The following USP54 variants were observed in gnomAD, a reference collection of about 807,000 sequenced individuals.
The protein encoded by USP54 is ubiquitin carboxyl-terminal hydrolase 54.
USP54 carries 87 observed loss-of-function variants against 170.5 expected under a neutral mutation model. The ratio of observed to expected loss-of-function variants is 0.51; its 90% CI spans 0.43 to 0.61. The LOEUF is 0.61. Among genes scored for constraint, USP54 ranks in the 20% least tolerant of loss-of-function variants. USP54 has a pLI of 0.00. For synonymous variants in USP54, 655 were observed against 742.8 expected (o/e 0.88, Z 1.92); for missense variants, 1,786 against 2,047.8 (o/e 0.87, Z 2.47).
chr10:73,569,765 GA>G (rs796556013), intron 4 of USP54, among the ~76,000 whole-genome samples: 117 of 137,882 alleles, frequency 8.5e-4, no homozygotes, highest in Middle Eastern at 3.8e-3. Flanking sequence ...AAAAAAAAAA[GA>G]AAAAAAAAAA....
intron 20 of USP54, among the ~76,000 whole-genome samples, chr10:73,509,786 C>G (rs1266519423): frequency 1.3e-5 from 2 of 151,558 alleles, no homozygotes; most frequent in African/African-American, 2.4e-5. Flanking sequence ...GGCGGGTAAA[C>G]TACTTGAGCT....
rs762358370 is a variant in USP54, at chr10:73,529,787, G to T, written c.1953C>A (p.His651Gln). 6.2e-7 allele frequency: 1 copy of T among 1,613,874 alleles called. No individual in the cohort carries two copies. ...ATTCCATTCGCTGGATTAGTCGGGGGTGCTGCTCTAAAAGGTGAGAGCCTG... is the reference window on the plus strand; with the variant it reads ...ATTCCATTCGCTGGATTAGTCGGGGTTGCTGCTCTAAAAGGTGAGAGCCTG... ...ARPGSHLLEQHPRLIQRMESG... is the reference protein window; with the variant it reads ...ARPGSHLLEQQPRLIQRMESG... Residue 651 changes from histidine (H) to glutamine (Q), a missense_variant, in exon 15 of 24, where the codon CAC becomes CAA. By Grantham distance (24) the His-to-Gln change is conservative. Coordinates refer to ENST00000687698, the MANE Select transcript of USP54 (RefSeq NM_001391956.1).
chr10:73,575,516 A>G lies in USP54; in HGVS notation c.143T>C (p.Leu48Pro). 1 of 1,605,228 alleles carries G rather than the reference A, an allele frequency of 6.2e-7. No homozygotes were observed. The highest frequency in any genetic ancestry group is 8.5e-7 in the Non-Finnish European group (1 of 1,177,416). Residue 48 changes from leucine (L) to proline (P), a missense_variant, in exon 3 of 24, where the codon CTG becomes CCG. Around this residue, in one of 3 missense-constraint regions of USP54, gnomAD observed 361 missense variants for 455.0 expected, o/e 0.79. Coordinates refer to ENST00000687698, the MANE Select transcript of USP54 (RefSeq NM_001391956.1). ...GQNSCFLNSA[L>P]QVLWHLDIFR... is the part of the protein sequence containing the mutation. ...AAATAAAGAAATGACCCTTACCTGCAGGGCACTGTTGAGGAAGCAGCTGTT... is the reference window on the plus strand; with the variant it reads ...AAATAAAGAAATGACCCTTACCTGCGGGGCACTGTTGAGGAAGCAGCTGTT...
At chr10:73,547,410 A>T (rs2068090948) in intron 4 of USP54, among the ~76,000 whole-genome samples, 1 of 152,204 alleles carries the variant, frequency 6.6e-6, no homozygotes, top group African/African-American at 2.4e-5. Context: ...ACCAAAAAAG[A>T]GCCTGCATTG....
At chr10:73,544,526 T>G (rs1393540823) in intron 5 of USP54, among the ~76,000 whole-genome samples, 2 of 152,192 alleles carry the variant, frequency 1.3e-5, no homozygotes, top group African/African-American at 4.8e-5. Context: ...GGAATGTAAT[T>G]GCTAGATCAT....
intron 19 of USP54, chr10:73,518,273 A>T (rs2061361766): frequency 1.6e-5 from 16 of 970,602 alleles, no homozygotes; most frequent in Non-Finnish European, 1.8e-5. Flanking sequence ...ATGGGAATAC[A>T]CAGAAATTAA....
intron 17 of USP54, among the ~76,000 whole-genome samples, chr10:73,523,038 T>A (rs72814312): frequency 1.3e-5 from 2 of 152,310 alleles, no homozygotes; most frequent in Non-Finnish European, 2.9e-5. Context: ...CAAAGTGACA[T>A]CCTAAAAAAA....
intron 1 of USP54, among the ~76,000 whole-genome samples, chr10:73,600,815 G>A (rs950902854): frequency 2.0e-5 from 3 of 152,180 alleles, no homozygotes; most frequent in South Asian, 2.1e-4. Flanking sequence ...TCAGGAGGCC[G>A]AGGCAGGAGA....
At chr10:73,529,545 T>C (rs548677751) in intron 15 of USP54, 135 bp downstream of exon 15, 30 of 951,546 alleles carry the variant, frequency 3.2e-5, no homozygotes, top group East Asian at 1.2e-4. Context: ...GCTGTTGTTA[T>C]AGGAAGTTGA....
intron 5 of USP54, 23 bp downstream of exon 5, chr10:73,545,515 G>A: frequency 6.2e-7 from 1 of 1,612,948 alleles, no homozygotes. Context: ...CCATATCAAA[G>A]AGGGCCAGAG....
chr10:73,542,395 C>T (rs572558477), intron 7 of USP54, among the ~76,000 whole-genome samples: 25 of 152,186 alleles, frequency 1.6e-4, no homozygotes, highest in Non-Finnish European at 2.8e-4. Flanking sequence ...CCACCATGCC[C>T]GGCCAAGATA....
At position 73,498,627 on chromosome 10, in the gene USP54, C is replaced by G; in HGVS notation, c.*2G>C. On this transcript the variant is annotated 3_prime_UTR_variant, in exon 24 of 24. Transcript: ENST00000687698. ...AGCTCCAGGAAAGGAAAGGAATAAC[C>G]TTTACCATTGACTGTGCTGCAGGAC... 1 of 1,525,746 alleles carries G rather than the reference C, an allele frequency of 6.6e-7. No homozygotes were observed. The highest frequency in any genetic ancestry group is 1.3e-5 in the South Asian group (1 of 76,562). The allele number at this position is 1,525,746 out of a possible 1,614,324, so 94.5% of individuals were successfully genotyped here.
chr10:73,562,853 A>C (rs1053668437), intron 4 of USP54, among the ~76,000 whole-genome samples: 2 of 152,226 alleles, frequency 1.3e-5, no homozygotes, highest in Non-Finnish European at 2.9e-5. Flanking sequence ...GTTCAATTCT[A>C]CTAAGTAATG....
intron 4 of USP54, among the ~76,000 whole-genome samples, chr10:73,550,295 T>A (rs1044527994): frequency 2.6e-5 from 4 of 152,208 alleles, no homozygotes; most frequent in African/African-American, 7.2e-5. Flanking sequence ...CATGTATATC[T>A]CTGCACTTGA....
intron 4 of USP54, among the ~76,000 whole-genome samples, chr10:73,563,905 T>C (rs1055616824): frequency 3.9e-5 from 6 of 152,140 alleles, no homozygotes; most frequent in Non-Finnish European, 7.3e-5. Context: ...GTAAAATTTA[T>C]CAATTTCCTA....
intron 1 of USP54, among the ~76,000 whole-genome samples, chr10:73,603,695 C>T (rs970963290): frequency 6.6e-6 from 1 of 151,568 alleles, no homozygotes; most frequent in Non-Finnish European, 1.5e-5. Flanking sequence ...TGGCAGTGAG[C>T]CGAGATCACA....
In USP54 at chr10:73,602,278, C is replaced by A. The variant is rs571991826; in HGVS notation, c.-18+23289G>T. 2.6e-5 allele frequency among the ~76,000 whole-genome samples: 4 copies of A among 152,236 alleles called. No individual in the cohort carries two copies. In the South Asian group the frequency reaches 8.3e-4, roughly 32 times the overall value. ...ATGAAAAAATAGTATAATAGCCGGG[C>A]ACGGTGGCTCATGCCTGTAATCCCA... On this transcript the variant is annotated intron_variant, in intron 1 of 22. Transcript: ENST00000339859.
chr10:73,602,041 C>A (rs1372470985), intron 1 of USP54, among the ~76,000 whole-genome samples: 1 of 152,178 alleles, frequency 6.6e-6, no homozygotes, highest in Non-Finnish European at 1.5e-5. Context: ...CAATGTAGCA[C>A]CTCAACATCT....
rs569968660 is a variant in USP54, at chr10:73,571,188, C to T, written c.240+233G>A. 5.1e-4 allele frequency among the ~76,000 whole-genome samples: 74 copies of T among 144,830 alleles called. 1 individual carries two copies. In the South Asian group the frequency reaches 0.016, roughly 31 times the overall value. On this transcript the variant is annotated intron_variant, in intron 4 of 23. Coordinates refer to ENST00000687698, the MANE Select transcript of USP54 (RefSeq NM_001391956.1). ...AGGAGAAGCATACTTGCATAGTATT[C>T]TATCACATCAAACAGAGCTGCATAA...
Sources: allele counts gnomAD v4.1 joint callset (sites outside exome capture counted in the v4.1 genomes callset), GRCh38; gene constraint gnomAD v4.1.1; regional missense constraint gnomAD v4.1.1; transcripts MANE v1.5; gene names NCBI Gene and HGNC (gene_info 2026-07-23, HGNC 2026-07-21).